The following RGSL1 variants were observed in gnomAD, a reference collection of about 807,000 sequenced individuals.
RGSL1 encodes the protein regulator of G protein signaling like 1.
Under a neutral mutation model 124.7 loss-of-function variants are expected in RGSL1, and 97 were observed. The observed-to-expected ratio is 0.78, with a 90% confidence interval of 0.66 to 0.92. RGSL1 has a LOEUF of 0.92. Ranked by LOEUF, RGSL1 falls within the 40% of genes least tolerant of loss-of-function variation. The pLI is 0.00. For synonymous variants in RGSL1, 424 were observed against 438.1 expected (o/e 0.97, Z 0.40); for missense variants, 1,233 against 1,288.4 (o/e 0.96, Z 0.66).
intron 2 of RGSL1, among the ~76,000 whole-genome samples, chr1:182,455,130 A>AG (rs1446036989): frequency 6.6e-6 from 1 of 152,206 alleles, no homozygotes; most frequent in Non-Finnish European, 1.5e-5. Flanking sequence ...ACATGACAGA[A>AG]GTTTTTAGGA....
intron 6 of RGSL1, among the ~76,000 whole-genome samples, chr1:182,477,221 G>A (rs267899): frequency 0.41 from 61,701 of 151,956 alleles, 13,338 homozygotes; most frequent in African/African-American, 0.53. Flanking sequence ...AGGCCTGTCA[G>A]TCAGGATCCT....
chr1:182,449,369 C>G (rs578209065), upstream of RGSL1: 21 of 152,254 alleles, frequency 1.4e-4, no homozygotes, highest in African/African-American at 5.1e-4. Flanking sequence ...CCCTCCACCC[C>G]CCATAGGAAA....
chr1:182,473,731 C>T lies in RGSL1; in HGVS notation c.620C>T (p.Ala207Val). ...HTKMTMAKEE[A>V]CHGLMQEYET... Reference sequence around the variant, plus strand: ...AAGATGACCATGGCCAAGGAGGAAGCATGCCATGGTCTGATGCAAGAGTAC... The same window carrying T: ...AAGATGACCATGGCCAAGGAGGAAGTATGCCATGGTCTGATGCAAGAGTAC... The change falls in exon 6 of 22, where the codon GCA (alanine) becomes GTA (valine). Residue 207 changes from alanine to valine, a missense_variant. Transcript: ENST00000294854. 2 of 1,551,766 alleles carry T rather than the reference C, an allele frequency of 1.3e-6. No individual in the cohort carries two copies. Among genetic ancestry groups the T allele is most frequent in the African/African-American group, 1.4e-5 (1 of 73,164 alleles).
intron 9 of RGSL1, among the ~76,000 whole-genome samples, chr1:182,520,281 T>C (rs753625783): frequency 1.3e-5 from 2 of 152,188 alleles, no homozygotes; most frequent in African/African-American, 2.4e-5. Context: ...TTGTTTTCTT[T>C]AGTCTTTGGA....
In RGSL1 at chr1:182,483,146, A is replaced by G. The variant is rs565841512; in HGVS notation, c.1432-5139A>G. Among the ~76,000 whole-genome samples the G allele has an allele frequency of 2.0e-5, 3 of 152,346 alleles. No individual in the cohort carries two copies. The East Asian group carries it at 5.8e-4, about 29-fold the overall frequency. ...TGTTGATCAAAGTGTACCATGTTTC[A>G]GTCACGAGAGATAAATTTACTGTAC... On this transcript the variant is annotated intron_variant, in intron 6 of 21. Coordinates refer to ENST00000294854, the MANE Select transcript of RGSL1 (RefSeq NM_001137669.2).
Position 182,532,674 on chromosome 1 carries a change from A to AT in RGSL1, c.2378dup (p.Met793IlefsTer21). The AT allele has an allele frequency of 6.4e-7, 1 of 1,550,896 alleles. No homozygotes were observed. The highest frequency in any genetic ancestry group is 8.7e-7 in the Non-Finnish European group (1 of 1,146,376). On this transcript the variant is annotated frameshift_variant, in exon 14 of 22. Transcript: ENST00000294854. LOFTEE classifies it high-confidence loss of function. ...TTTCTTTCCCCAGAAGAAAGGCTGG[A>AT]TGAGAATGATCAGCTTTATCAGGAG...
Position 182,540,386 on chromosome 1 carries a change from G to C in RGSL1, c.2634G>C (p.Ala878=). The part of the protein sequence containing the change: ...FGHRIITVNF[A]INDLYFFSEM... ...ACAGGATTATCACTGTCAACTTTGC[G>C]ATCAATGATCTATATTTCTTTTCTG... The change falls in exon 15 of 22, where the codon GCG becomes GCC. Residue 878 remains alanine (A), a synonymous_variant. Transcript: ENST00000294854. The C allele has an allele frequency of 6.4e-7, 1 of 1,550,900 alleles. No homozygotes were observed. Among genetic ancestry groups the C allele is most frequent in the Non-Finnish European group, 8.7e-7 (1 of 1,146,602 alleles).
intron 4 of RGSL1, chr1:182,471,166 G>A (rs149606394): frequency 2.4e-5 from 10 of 409,840 alleles, no homozygotes; most frequent in African/African-American, 2.0e-4. Context: ...CATCTAACTG[G>A]TCACAATTTG....
In RGSL1 at chr1:182,545,581, A is replaced by G. The variant is rs1293663873; in HGVS notation, c.2670-2736A>G. 2.0e-5 allele frequency among the ~76,000 whole-genome samples: 3 copies of G among 152,174 alleles called. No homozygotes were observed. The East Asian group carries it at 5.8e-4, about 29-fold the overall frequency. On this transcript the variant is annotated intron_variant, in intron 15 of 21. Coordinates refer to ENST00000294854, the MANE Select transcript of RGSL1 (RefSeq NM_001137669.2). ...AAGAACTCTCTTTAGCATTTCTTGT[A>G]AGACATGTCTGTTGGTCATGAATTC...
chr1:182,466,379 A>T (rs899067484), intron 4 of RGSL1, among the ~76,000 whole-genome samples: 2 of 152,210 alleles, frequency 1.3e-5, no homozygotes, highest in South Asian at 2.1e-4. Context: ...AGGTCAAATG[A>T]TCTTCATTTG....
Position 182,473,867 on chromosome 1 carries a change from G to A in RGSL1, c.756G>A (p.Lys252=), listed in dbSNP as rs1455247988. Residue 252 remains lysine (K), a synonymous_variant, in exon 6 of 22, where the codon AAG becomes AAA. Coordinates refer to ENST00000294854, the MANE Select transcript of RGSL1 (RefSeq NM_001137669.2). Reference sequence around the variant, plus strand: ...AACGGTACTCAAGCAGGAAAGCCAAGAGGAAGATGTGGCAATTGGTAGATC... The same window carrying A: ...AACGGTACTCAAGCAGGAAAGCCAAAAGGAAGATGTGGCAATTGGTAGATC... ...FQKRYSSRKA[K]RKMWQLVDPD... 2.6e-6 allele frequency: 4 copies of A among 1,551,818 alleles called. No individual in the cohort carries two copies. The highest frequency in any genetic ancestry group is 1.2e-5 in the South Asian group (1 of 84,064).
Position 182,542,894 on chromosome 1 carries a change from A to G in RGSL1, c.2669+2473A>G, listed in dbSNP as rs1659980235. Among the ~76,000 whole-genome samples the G allele has an allele frequency of 2.0e-5, 3 of 152,002 alleles. No homozygotes were observed. The South Asian group carries it at 6.2e-4, about 32-fold the overall frequency. On this transcript the variant is annotated intron_variant, in intron 15 of 21. Coordinates refer to ENST00000294854, the MANE Select transcript of RGSL1 (RefSeq NM_001137669.2). ...GTTTATAAATGCTTCTGATTTTCACATGTTGATTTTTTATTCTGCAACTTT... is the reference window on the plus strand; with the variant it reads ...GTTTATAAATGCTTCTGATTTTCACGTGTTGATTTTTTATTCTGCAACTTT...
chr1:182,532,859 GA>G, intron 14 of RGSL1, 68 bp downstream of exon 14: 1 of 1,477,072 alleles, frequency 6.8e-7, no homozygotes, highest in Non-Finnish European at 9.2e-7. Context: ...GCCCACATAA[GA>G]AGCTTATTGC....
intron 9 of RGSL1, among the ~76,000 whole-genome samples, chr1:182,505,707 A>G (rs1270138682): frequency 6.6e-6 from 1 of 152,114 alleles, no homozygotes; most frequent in Non-Finnish European, 1.5e-5. Flanking sequence ...ACTTAATATT[A>G]TTATATCTCT....
At chr1:182,552,242 T>C (rs1660608284) in intron 18 of RGSL1, among the ~76,000 whole-genome samples, 1 of 151,764 alleles carries the variant, frequency 6.6e-6, no homozygotes, top group Admixed American at 6.6e-5. Context: ...GCCTCCCGGG[T>C]AGCTGGGACT....
At chr1:182,544,073 C>G (rs1014668927) in intron 15 of RGSL1, among the ~76,000 whole-genome samples, 4 of 151,582 alleles carry the variant, frequency 2.6e-5, no homozygotes, top group African/African-American at 9.7e-5. Flanking sequence ...TTTTTTAGTT[C>G]CTTGAGGGCA....
intron 14 of RGSL1, among the ~76,000 whole-genome samples, chr1:182,536,552 ATGT>A (rs1230063064): frequency 6.6e-6 from 1 of 152,206 alleles, no homozygotes; most frequent in Non-Finnish European, 1.5e-5. Flanking sequence ...ATGACTAATG[ATGT>A]TGAGTATGTG....
At chr1:182,455,067 T>A (rs927320295) in intron 2 of RGSL1, among the ~76,000 whole-genome samples, 3 of 152,158 alleles carry the variant, frequency 2.0e-5, no homozygotes, top group African/African-American at 7.2e-5. Flanking sequence ...TGCATTCCTG[T>A]CCTCATGGAA....
Position 182,473,671 on chromosome 1 carries a change from A to G in RGSL1, c.560A>G (p.Gln187Arg). 3.2e-6 allele frequency: 5 copies of G among 1,551,752 alleles called. No homozygotes were observed. Among genetic ancestry groups the G allele is most frequent in the Non-Finnish European group, 4.4e-6 (5 of 1,147,014 alleles). Residue 187 changes from glutamine (Q) to arginine (R), a missense_variant, in exon 6 of 22, where the codon CAG becomes CGG. Coordinates refer to ENST00000294854, the MANE Select transcript of RGSL1 (RefSeq NM_001137669.2). Reference sequence around the variant, plus strand: ...CAGAAAGTGGCTCTGTTCAAACTCCAGAGCTATTGGCTTCCCAACTTTTAC... The same window carrying G: ...CAGAAAGTGGCTCTGTTCAAACTCCGGAGCTATTGGCTTCCCAACTTTTAC... ...HMQKVALFKLQSYWLPNFYTH... is the reference protein window; with the variant it reads ...HMQKVALFKLRSYWLPNFYTH...
Sources: gnomAD v4.1 joint callset for allele counts (sites outside exome capture counted in the v4.1 genomes callset) on GRCh38, gnomAD v4.1.1 for gene constraint, MANE v1.5 for transcripts, NCBI Gene and HGNC (gene_info 2026-07-23, HGNC 2026-07-21) for gene names.